Variants in RPTOR observed in about 807,000 individuals in gnomAD.
RPTOR encodes the protein regulatory-associated protein of mTOR.
RPTOR carries 21 observed loss-of-function variants against 169.9 expected under a neutral mutation model. The observed-to-expected ratio is 0.12, with a 90% confidence interval of 0.09 to 0.18. RPTOR has a LOEUF of 0.18. Ranked by LOEUF, RPTOR falls within the 10% of genes least tolerant of loss-of-function variation. The pLI is 1.00. For synonymous variants in RPTOR, 732 were observed against 753.2 expected (o/e 0.97, Z 0.46); for missense variants, 1,133 against 1,855.9 (o/e 0.61, Z 7.16).
At chr17:80,920,521 C>T (rs9893657) in intron 21 of RPTOR, among the ~76,000 whole-genome samples, 29,352 of 152,188 alleles carry the variant, frequency 0.19, 2,927 homozygotes, top group Admixed American at 0.22. Context: ...TGCCGAGGCC[C>T]GGATCAGTTC....
intron 17 of RPTOR, among the ~76,000 whole-genome samples, chr17:80,886,650 T>C (rs1226221877): frequency 6.6e-6 from 1 of 152,202 alleles, no homozygotes; most frequent in Non-Finnish European, 1.5e-5. Flanking sequence ...GCTGTGGCCC[T>C]GTGGTGTGGC....
chr17:80,672,502 T>A (rs2065829514), intron 3 of RPTOR, among the ~76,000 whole-genome samples: 1 of 151,954 alleles, frequency 6.6e-6, no homozygotes, highest in Admixed American at 6.6e-5. Context: ...AAAACAAACT[T>A]CTCAGCCAGG....
intron 17 of RPTOR, among the ~76,000 whole-genome samples, chr17:80,891,032 C>T (rs2068316355): frequency 6.6e-6 from 1 of 152,130 alleles, no homozygotes; most frequent in Admixed American, 6.5e-5. Flanking sequence ...AAAAAACGTT[C>T]TTTCCGCTTT....
chr17:80,778,848 C>T (rs1186963777), intron 6 of RPTOR, among the ~76,000 whole-genome samples: 1 of 152,202 alleles, frequency 6.6e-6, no homozygotes, highest in African/African-American at 2.4e-5. Context: ...GGTAAAATCA[C>T]GAGACCTCAG....
chr17:80,921,652 G>A (rs1303023245), intron 21 of RPTOR, among the ~76,000 whole-genome samples: 1 of 152,196 alleles, frequency 6.6e-6, no homozygotes, highest in Non-Finnish European at 1.5e-5. Context: ...TTTTTCTGTG[G>A]TAGAATTTCA....
rs2066338585 is a variant in RPTOR, at chr17:80,726,736, GC to G, written c.508-3823del. ...AGGGCTGGGCAAGTTGTATTCAGAT[GC>G]TGTTCGCTAAGCCCAGAACATTATA... On this transcript the variant is annotated intron_variant, in intron 4 of 33. Transcript: ENST00000306801. The surrounding 1 kb of genome is among the most constrained non-coding windows in gnomAD (Gnocchi z 4.5). 1.3e-5 allele frequency among the ~76,000 whole-genome samples: 2 copies of G among 152,136 alleles called. No individual in the cohort carries two copies. Among genetic ancestry groups the G allele is most frequent in the African/African-American group, 2.4e-5 (1 of 41,412 alleles).
In RPTOR at chr17:80,965,470, G is replaced by A. The variant is rs568646012; in HGVS notation, c.*1140G>A. 3.9e-5 allele frequency: 9 copies of A among 233,386 alleles called. No homozygotes were observed. The highest frequency in any genetic ancestry group is 1.8e-4 in the South Asian group (1 of 5,536). 14.5% of individuals were successfully genotyped at this position (233,386 alleles called of 1,614,324 possible). Reference sequence around the variant, plus strand: ...TGGACAGTCCCGCCCAGGAGGGGCCGCAGGGCGTGTATGAGCAGTTTTGCA... The same window carrying A: ...TGGACAGTCCCGCCCAGGAGGGGCCACAGGGCGTGTATGAGCAGTTTTGCA... On this transcript the variant is annotated 3_prime_UTR_variant, in exon 34 of 34. Transcript: ENST00000306801.
At chr17:80,801,919 G>T (rs554203434) in intron 7 of RPTOR, 1 of 152,340 alleles carries the variant, frequency 6.6e-6, no homozygotes, top group Non-Finnish European at 1.5e-5. Context: ...ACGCCAGGGC[G>T]CACGGTGCTG....
chr17:80,813,976 A>G (rs1376344316), intron 7 of RPTOR, among the ~76,000 whole-genome samples: 1 of 152,170 alleles, frequency 6.6e-6, no homozygotes, highest in African/African-American at 2.4e-5. Flanking sequence ...TCTACCAAAA[A>G]TACAAAAAAT....
chr17:80,831,916 C>T (rs1399123394), intron 9 of RPTOR, among the ~76,000 whole-genome samples: 1 of 152,178 alleles, frequency 6.6e-6, no homozygotes, highest in Admixed American at 6.5e-5. Flanking sequence ...TAACAAGAAG[C>T]CAGTCCATTC....
chr17:80,674,015 A>G (rs2065842296), intron 3 of RPTOR, among the ~76,000 whole-genome samples: 1 of 152,136 alleles, frequency 6.6e-6, no homozygotes, highest in Non-Finnish European at 1.5e-5. Flanking sequence ...TTAATTGTCC[A>G]CTTGAAAACT....
chr17:80,601,455 C>T (rs1368370028), intron 1 of RPTOR, among the ~76,000 whole-genome samples: 1 of 151,966 alleles, frequency 6.6e-6, no homozygotes, highest in African/African-American at 2.4e-5. Flanking sequence ...TCAGGCCCCG[C>T]AGATGGGCAG....
intron 17 of RPTOR, among the ~76,000 whole-genome samples, chr17:80,891,013 T>C (rs996165314): frequency 1.3e-5 from 2 of 152,078 alleles, no homozygotes; most frequent in African/African-American, 4.8e-5. Flanking sequence ...GAAAAAGTTG[T>C]CGTAGGGAAA....
chr17:80,857,671 C>A (rs1427225431), intron 12 of RPTOR, 119 bp from the exon 13 acceptor site: 3 of 651,562 alleles, frequency 4.6e-6, no homozygotes, highest in Non-Finnish European at 8.2e-6. Flanking sequence ...CCCATTCATT[C>A]CTGTTGCGTT....
chr17:80,570,747 T>C (rs185546273), intron 1 of RPTOR, among the ~76,000 whole-genome samples: 122 of 152,270 alleles, frequency 8.0e-4, no homozygotes, highest in African/African-American at 2.2e-3. Flanking sequence ...AGGCGTGAGC[T>C]ACCATGCTGG....
intron 13 of RPTOR, among the ~76,000 whole-genome samples, chr17:80,871,521 C>T (rs930955835): frequency 6.6e-6 from 1 of 152,130 alleles, no homozygotes; most frequent in African/African-American, 2.4e-5. Context: ...GGAGCAGACC[C>T]GGCTGAGGTC....
At position 80,823,220 on chromosome 17, in the gene RPTOR, T is replaced by C; in HGVS notation, c.1133T>C (p.Met378Thr). Residue 378 changes from methionine (M) to threonine (T), a missense_variant, in exon 9 of 34, where the codon ATG becomes ACG. Transcript: ENST00000306801. This position sits in a 1 kb window ranked among gnomAD's most constrained non-coding sequence, Gnocchi z 4.5. ...CTGCCGCCCACGTACATGCACGCCATGTGGTGAGTGTTTCAGGATCCTCCA... is the reference window on the plus strand; with the variant it reads ...CTGCCGCCCACGTACATGCACGCCACGTGGTGAGTGTTTCAGGATCCTCCA... ...PRLPPTYMHAMWQAWDLAVDI... is the reference protein window; with the variant it reads ...PRLPPTYMHATWQAWDLAVDI... 1 of 1,613,818 alleles carries C rather than the reference T, an allele frequency of 6.2e-7. No individual in the cohort carries two copies. The highest frequency in any genetic ancestry group is 1.1e-5 in the South Asian group (1 of 91,056).
chr17:80,758,962 C>A (rs900730956), intron 6 of RPTOR, among the ~76,000 whole-genome samples: 1 of 151,586 alleles, frequency 6.6e-6, no homozygotes, highest in Non-Finnish European at 1.5e-5. Context: ...TCACTAAACC[C>A]AGTGCACTTC....
chr17:80,576,743 A>G (rs753166035), intron 1 of RPTOR, among the ~76,000 whole-genome samples: 1 of 152,190 alleles, frequency 6.6e-6, no homozygotes, highest in Non-Finnish European at 1.5e-5. Context: ...TCGCTCTGTT[A>G]TCCAGGCTAG....
Sources: allele counts gnomAD v4.1 joint callset (sites outside exome capture counted in the v4.1 genomes callset), GRCh38; gene constraint gnomAD v4.1.1; non-coding constraint Gnocchi (gnomAD v3.1); transcripts MANE v1.5; gene names NCBI Gene and HGNC (gene_info 2026-07-23, HGNC 2026-07-21).